The following AHNAK2 variants were observed in gnomAD, a reference collection of about 807,000 sequenced individuals.
AHNAK2 encodes the protein AHNAK nucleoprotein 2, also known as protein AHNAK2.
Under a neutral mutation model 30.7 loss-of-function variants are expected in AHNAK2, and 18 were observed. The observed-to-expected ratio is 0.59, with a 90% CI of 0.41 to 0.87. The LOEUF (loss-of-function observed/expected upper bound fraction) is 0.87, where lower values mean the gene tolerates loss of function less well. Ranked by LOEUF, AHNAK2 falls within the 40% of genes least tolerant of loss-of-function variation. AHNAK2 has a pLI of 0.00. For missense variants in AHNAK2, 8,604 were observed against 7,373.0 expected, an observed-to-expected ratio of 1.17 and a Z score of -6.11; for synonymous variants, 3,590 against 3,073.8, an observed-to-expected ratio of 1.17 and a Z score of -5.56.
In AHNAK2 at chr14:104,940,629, G is replaced by C. The variant is rs763274835; in HGVS notation, c.14822C>G (p.Ser4941Cys). ...TSVVAPGEAP[S>C]EDADHEGKGS... ...TTTCCCTTCGTGGTCAGCATCTTCA[G>C]AAGGGGCTTCTCCAGGGGCCACTAC... Residue 4941 changes from serine to cysteine, a missense_variant, in exon 7 of 7, where the codon TCT becomes TGT. Ser to Cys is a moderately radical substitution (Grantham distance 112, BLOSUM62 -1). Coordinates refer to ENST00000333244, the MANE Select transcript of AHNAK2 (RefSeq NM_138420.4). The surrounding 1 kb of genome is among the most constrained non-coding windows in gnomAD (Gnocchi z 4.4). 2.5e-6 allele frequency: 4 copies of C among 1,613,538 alleles called. No homozygotes were observed. The highest frequency in any genetic ancestry group is 3.4e-6 in the Non-Finnish European group (4 of 1,179,890).
intron 1 of AHNAK2, among the ~76,000 whole-genome samples, chr14:104,958,525 T>C (rs1446480986): frequency 1.3e-5 from 2 of 152,142 alleles, no homozygotes; most frequent in African/African-American, 2.4e-5. Context: ...ATGTTAACAA[T>C]GGCTCAATGA....
intron 1 of AHNAK2, among the ~76,000 whole-genome samples, chr14:104,958,206 T>C (rs1222831689): frequency 1.3e-5 from 2 of 152,164 alleles, no homozygotes; most frequent in Non-Finnish European, 2.9e-5. Context: ...CCCAGGACTT[T>C]GGGAGGCTGA....
Position 104,943,262 on chromosome 14 carries a change from T to C in AHNAK2, c.12189A>G (p.Lys4063=). The change falls in exon 7 of 7, where the codon AAA becomes AAG. Residue 4063 remains lysine, a synonymous_variant. Coordinates refer to ENST00000333244, the MANE Select transcript of AHNAK2 (RefSeq NM_138420.4). ...CTATCTGGGGGCCCTTGAGGTCCAC[T>C]TTGGGCATCTTGAAACTGGGCATCT... The part of the protein sequence containing the change: ...KVQMPSFKMP[K]VDLKGPQIDV... 6.2e-7 allele frequency: 1 copy of C among 1,612,774 alleles called. No homozygotes were observed. The highest frequency in any genetic ancestry group is 1.7e-4 in the Middle Eastern group (1 of 6,050).
rs766113482 is a variant in AHNAK2, at chr14:104,951,930, C to A, written c.3521G>T (p.Gly1174Val). The A allele has an allele frequency of 1.9e-4, 308 of 1,609,832 alleles. 13 individuals are homozygous for A. The African/African-American group carries it at 3.6e-3, about 19-fold the overall frequency. The change falls in exon 7 of 7, where the codon GGG (glycine) becomes GTG (valine). Residue 1174 changes from glycine (G) to valine (V), a missense_variant. Coordinates refer to ENST00000333244, the MANE Select transcript of AHNAK2 (RefSeq NM_138420.4). ...GATGGACTTGCCTGGGGCTGACGCC[C>A]CGAACGATGGCATCTTGAACTTGGG... is the stretch of plus-strand genomic sequence containing the variant. Reference protein sequence around the residue: ...KMPKFKMPSFGASAPGKSIEA... With the variant: ...KMPKFKMPSFVASAPGKSIEA...
rs370153833 is a variant in AHNAK2, at chr14:104,947,225, A to G, written c.8226T>C (p.Pro2742=). 105 of 1,610,342 alleles carry G rather than the reference A, an allele frequency of 6.5e-5. 2 individuals are homozygous for G. Among genetic ancestry groups the G allele is most frequent in the South Asian group, 6.4e-4 (58 of 90,968 alleles). Residue 2742 remains proline (P), a synonymous_variant, in exon 7 of 7, where the codon CCT becomes CCC. Transcript: ENST00000333244. The part of the protein sequence containing the change: ...PKLQMPSFKM[P]EVDLKGPQID... ...TCTGGGGGCCCTTGAGGTCCACTTC[A>G]GGCATCTTGAAACTGGGCATCTGCA... is the stretch of plus-strand genomic sequence containing the variant.
rs372930834 is a variant in AHNAK2, at chr14:104,947,485, G to T, written c.7966C>A (p.Pro2656Thr). 2 of 1,612,530 alleles carry T rather than the reference G, an allele frequency of 1.2e-6. No individual in the cohort carries two copies. The highest frequency in any genetic ancestry group is 2.7e-5 in the African/African-American group (2 of 74,498). Reference sequence around the variant, plus strand: ...CCTGGGGCCGACACCCTGAATGATGGCATCTTGAACTTGGGCATTTTGAAC... The same window carrying T: ...CCTGGGGCCGACACCCTGAATGATGTCATCTTGAACTTGGGCATTTTGAAC... ...SKFKMPKFKM[P>T]SFRVSAPGES... The change falls in exon 7 of 7, where the codon CCA becomes ACA. Residue 2656 changes from proline (P) to threonine (T), a missense_variant. By Grantham distance (38) the Pro-to-Thr change is conservative. Transcript: ENST00000333244.
At chr14:104,969,452 T>C (rs1341996272) in intron 1 of AHNAK2, among the ~76,000 whole-genome samples, 1 of 152,244 alleles carries the variant, frequency 6.6e-6, no homozygotes, top group Admixed American at 6.5e-5. Context: ...TCTTCTCTGC[T>C]GGGCAAATTC....
chr14:104,951,729 C>T lies in AHNAK2; in HGVS notation c.3722G>A (p.Gly1241Asp), dbSNP rs1418952825. The change falls in exon 7 of 7, where the codon GGC (glycine) becomes GAC (aspartate). Residue 1241 changes from glycine (G) to aspartate (D), a missense_variant. Transcript: ENST00000333244. ...CACCTTGGGCAGGTGCCCTTTGAAGCCGGCTCCCTCAGGCACGTGGCCCTC... is the reference window on the plus strand; with the variant it reads ...CACCTTGGGCAGGTGCCCTTTGAAGTCGGCTCCCTCAGGCACGTGGCCCTC... ...LLEGHVPEGA[G>D]FKGHLPKVQM... 1.6e-6 allele frequency: 2 copies of T among 1,247,076 alleles called. 1 individual carries two copies. Among genetic ancestry groups the T allele is most frequent in the African/African-American group, 2.8e-5 (2 of 70,734 alleles). The allele number at this position is 1,247,076 out of a possible 1,614,324, so 77.3% of individuals were successfully genotyped here.
chr14:104,939,030 C>G lies in AHNAK2; in HGVS notation c.16421G>C (p.Ser5474Thr). 1 of 1,608,932 alleles carries G rather than the reference C, an allele frequency of 6.2e-7. No homozygotes were observed. The highest frequency in any genetic ancestry group is 8.5e-7 in the Non-Finnish European group (1 of 1,177,604). The change falls in exon 7 of 7, where the codon AGT (serine) becomes ACT (threonine). Residue 5474 changes from serine (S) to threonine (T), a missense_variant. Ser to Thr is a moderately conservative substitution (Grantham distance 58). Coordinates refer to ENST00000333244, the MANE Select transcript of AHNAK2 (RefSeq NM_138420.4). The stretch of plus-strand genomic sequence containing the variant: ...TATGCTGTGTATAGTGACCTCTTGA[C>G]TTTCAACCTGAGCACCCTGAATATG... ...RVHIQGAQVESQEVTIHSIVT... is the reference protein window; with the variant it reads ...RVHIQGAQVETQEVTIHSIVT...
chr14:104,977,354 G>A (rs1899620422), intron 1 of AHNAK2, among the ~76,000 whole-genome samples: 1 of 152,150 alleles, frequency 6.6e-6, no homozygotes, highest in Admixed American at 6.5e-5. Context: ...AGACACCCAG[G>A]CCCCGGAACC....
rs746622752 is a variant in AHNAK2, at chr14:104,947,310, A to G, written c.8141T>C (p.Val2714Ala). 1 of 1,611,318 alleles carries G rather than the reference A, an allele frequency of 6.2e-7. No individual in the cohort carries two copies. The highest frequency in any genetic ancestry group is 8.5e-7 in the Non-Finnish European group (1 of 1,179,240). ...GGGAACGTGGCCCTCTGGGAGTTTC[A>G]CATCCACCTGGCCAGCCTGGACCTC... ...QLEVQAGQVD[V>A]KLPEGHVPEG... Residue 2714 changes from valine (V) to alanine (A), a missense_variant, in exon 7 of 7, where the codon GTG (valine) becomes GCG (alanine). By Grantham distance (64) the Val-to-Ala change is moderately conservative. Transcript: ENST00000333244.
chr14:104,945,720 G>A lies in AHNAK2; in HGVS notation c.9731C>T (p.Pro3244Leu), dbSNP rs1566904628. 2.5e-6 allele frequency: 4 copies of A among 1,600,864 alleles called. No homozygotes were observed. Among genetic ancestry groups the A allele is most frequent in the Non-Finnish European group, 3.4e-6 (4 of 1,172,504 alleles). ...FKMPKVDRKG[P>L]QIDIKGPKLD... Reference sequence around the variant, plus strand: ...CTTGGGGCCCTTGATGTCTATCTGGGGGCCCTTGCGATCTACTTTGGGCAT... The same window carrying A: ...CTTGGGGCCCTTGATGTCTATCTGGAGGCCCTTGCGATCTACTTTGGGCAT... Residue 3244 changes from proline to leucine, a missense_variant, in exon 7 of 7, where the codon CCC becomes CTC. Pro to Leu is a moderately conservative substitution (Grantham distance 98, BLOSUM62 -3). Coordinates refer to ENST00000333244, the MANE Select transcript of AHNAK2 (RefSeq NM_138420.4).
Position 104,950,716 on chromosome 14 carries a change from C to T in AHNAK2, c.4735G>A (p.Val1579Met). 1 of 1,587,052 alleles carries T rather than the reference C, an allele frequency of 6.3e-7. No individual in the cohort carries two copies. Among genetic ancestry groups the T allele is most frequent in the Non-Finnish European group, 8.6e-7 (1 of 1,162,608 alleles). ...GAGLKGHLPK[V>M]QMPSFKMPKV... ...GGCATCTTGAAACTGGGCATCTGCA[C>T]TTTGGGCAGGTGCCCTTTGAGGCCG... Residue 1579 changes from valine to methionine, a missense_variant, in exon 7 of 7, where the codon GTG becomes ATG. Val to Met is a conservative substitution (Grantham distance 21, BLOSUM62 1). Coordinates refer to ENST00000333244, the MANE Select transcript of AHNAK2 (RefSeq NM_138420.4).
At chr14:104,967,894 G>A (rs1052294888) in intron 1 of AHNAK2, among the ~76,000 whole-genome samples, 2 of 152,170 alleles carry the variant, frequency 1.3e-5, no homozygotes, top group African/African-American at 2.4e-5. Context: ...TCCCAGGCCC[G>A]AGCTCCTGAG....
At position 104,943,546 on chromosome 14, in the gene AHNAK2, T is replaced by C. The variant is rs1566900599; in HGVS notation, c.11905A>G (p.Lys3969Glu). The stretch of plus-strand genomic sequence containing the variant: ...GACGGCATCTTGAACTTGGGCATTT[T>C]GAACTTGCTGTCTTTGGCCGTCATG... ...KDMTAKDSKFKMPKFKMPSFG... is the reference protein window; with the variant it reads ...KDMTAKDSKFEMPKFKMPSFG... The change falls in exon 7 of 7, where the codon AAA becomes GAA. Residue 3969 changes from lysine (K) to glutamate (E), a missense_variant. Coordinates refer to ENST00000333244, the MANE Select transcript of AHNAK2 (RefSeq NM_138420.4). 2 of 1,612,688 alleles carry C rather than the reference T, an allele frequency of 1.2e-6. No homozygotes were observed. The highest frequency in any genetic ancestry group is 1.7e-6 in the Non-Finnish European group (2 of 1,179,438).
At position 104,943,018 on chromosome 14, in the gene AHNAK2, C is replaced by A. The variant is rs139413141; in HGVS notation, c.12433G>T (p.Val4145Leu). Reference protein sequence around the residue: ...MPKFKMPSFGVSAPGKSMEAS... With the variant: ...MPKFKMPSFGLSAPGKSMEAS... Reference sequence around the variant, plus strand: ...TCCATGGACTTGCCTGGGGCCGACACCCCGAATGATGGCATCTTGAACTTG... The same window carrying A: ...TCCATGGACTTGCCTGGGGCCGACAACCCGAATGATGGCATCTTGAACTTG... Residue 4145 changes from valine to leucine, a missense_variant, in exon 7 of 7, where the codon GTG becomes TTG. Val to Leu is a conservative substitution (Grantham distance 32). Coordinates refer to ENST00000333244, the MANE Select transcript of AHNAK2 (RefSeq NM_138420.4). The A allele has an allele frequency of 2.5e-6, 4 of 1,613,222 alleles. No homozygotes were observed. The highest frequency in any genetic ancestry group is 1.7e-4 in the Middle Eastern group (1 of 6,056).
At chr14:104,976,661 G>A (rs1381259455) in intron 1 of AHNAK2, among the ~76,000 whole-genome samples, 1 of 152,220 alleles carries the variant, frequency 6.6e-6, no homozygotes, top group Admixed American at 6.5e-5. Context: ...GACACAGGGA[G>A]GGACTGCCCC....
Position 104,947,917 on chromosome 14 carries a change from T to C in AHNAK2, c.7534A>G (p.Lys2512Glu), listed in dbSNP as rs1898387636. Reference sequence around the variant, plus strand: ...GAGAGGCTCCCGTCGGCCTCCACCTTCGGCGCAGACACATCCACCGAGGCC... The same window carrying C: ...GAGAGGCTCCCGTCGGCCTCCACCTCCGGCGCAGACACATCCACCGAGGCC... The part of the protein sequence containing the change: ...IEASVDVSAP[K>E]VEADGSLSSM... The change falls in exon 7 of 7, where the codon AAG (lysine) becomes GAG (glutamate). Residue 2512 changes from lysine to glutamate, a missense_variant. Physicochemically the swap from Lys to Glu is moderately conservative, Grantham distance 56. Coordinates refer to ENST00000333244, the MANE Select transcript of AHNAK2 (RefSeq NM_138420.4). 6.2e-7 allele frequency: 1 copy of C among 1,612,128 alleles called. No individual in the cohort carries two copies.
intron 1 of AHNAK2, among the ~76,000 whole-genome samples, chr14:104,976,180 T>C (rs980939489): frequency 1.4e-4 from 21 of 152,124 alleles, no homozygotes; most frequent in African/African-American, 3.6e-4. Context: ...AGAGGCAACC[T>C]GCCCCTGGAG....
Sources: allele counts gnomAD v4.1 joint callset (sites outside exome capture counted in the v4.1 genomes callset), GRCh38; gene constraint gnomAD v4.1.1; non-coding constraint Gnocchi (gnomAD v3.1); transcripts MANE v1.5; gene names NCBI Gene and HGNC (gene_info 2026-07-23, HGNC 2026-07-21).